The following SLC9B1 variants were observed in gnomAD, a reference collection of about 807,000 sequenced individuals.
SLC9B1 encodes the protein solute carrier family 9 member B1.
A neutral mutation model predicts 51.7 loss-of-function variants in SLC9B1; 32 were observed. The ratio of observed to expected loss-of-function variants is 0.62; its 90% CI spans 0.47 to 0.83. The LOEUF is 0.83. Ranked by LOEUF, SLC9B1 falls within the 40% of genes least tolerant of loss-of-function variation. The pLI, the probability that SLC9B1 is intolerant of heterozygous loss-of-function variation, is 0.00. For synonymous variants in SLC9B1, 145 were observed against 212.7 expected, an observed-to-expected ratio of 0.68 and a Z score of 2.77; for missense variants, 406 against 613.2, an observed-to-expected ratio of 0.66 and a Z score of 3.57.
At chr4:102,949,189 C>T (rs1737419341) in intron 4 of SLC9B1, 68 bp downstream of exon 4, 1 of 1,248,784 alleles carries the variant, frequency 8.0e-7, no homozygotes, top group African/African-American at 1.5e-5. Context: ...ATAACTAATT[C>T]AACAAGAAAA....
At chr4:102,967,385 G>A (rs531470326) in intron 3 of SLC9B1, among the ~76,000 whole-genome samples, 16 of 152,226 alleles carry the variant, frequency 1.1e-4, no homozygotes, top group Non-Finnish European at 1.5e-4. Flanking sequence ...GTCTTAGTCC[G>A]TTTTGTGTTG....
At chr4:102,964,635 G>A (rs928885284) in intron 3 of SLC9B1, among the ~76,000 whole-genome samples, 4 of 152,168 alleles carry the variant, frequency 2.6e-5, no homozygotes, top group African/African-American at 7.2e-5. Context: ...ATGTGAGGTG[G>A]TTGACTTAAC....
intron 3 of SLC9B1, among the ~76,000 whole-genome samples, chr4:102,972,327 TG>T (rs1403400366): frequency 6.6e-6 from 1 of 152,224 alleles, no homozygotes; most frequent in African/African-American, 2.4e-5. Flanking sequence ...GATGCAAGCC[TG>T]GGTCAATATA....
Position 102,932,073 on chromosome 4 carries a change from T to C in SLC9B1, c.829+51A>G, listed in dbSNP as rs368379282. 3.0e-4 allele frequency: 477 copies of C among 1,567,260 alleles called. 1 individual carries two copies. In the African/African-American group the frequency reaches 5.6e-3, roughly 18 times the overall value. Reference sequence around the variant, plus strand: ...AAGCCAGAAACCCTGTTTAAAGAAGTAACAAAAAAGGTCATGAATGATCTA... The same window carrying C: ...AAGCCAGAAACCCTGTTTAAAGAAGCAACAAAAAAGGTCATGAATGATCTA... On this transcript the variant is annotated intron_variant, in intron 7 of 11. Transcript: ENST00000296422.
At chr4:102,932,638 C>A (rs940293173) in intron 6 of SLC9B1, among the ~76,000 whole-genome samples, 5 of 151,956 alleles carry the variant, frequency 3.3e-5, no homozygotes, top group Admixed American at 2.0e-4. Flanking sequence ...TAAGTATATC[C>A]CAGTAAGATA....
chr4:102,959,332 G>A (rs527437251), intron 3 of SLC9B1, among the ~76,000 whole-genome samples: 1 of 152,126 alleles, frequency 6.6e-6, no homozygotes, highest in African/African-American at 2.4e-5. Context: ...TTTTTAACCT[G>A]TAAGTCAGTT....
At chr4:102,974,240 TTG>T (rs374057840) in intron 3 of SLC9B1, among the ~76,000 whole-genome samples, 41,464 of 74,124 alleles carry the variant, frequency 0.56, 11,619 homozygotes, top group African/African-American at 0.7. Context: ...CTGTCTAAAA[TTG>T]AAAAAAAAAA....
intron 3 of SLC9B1, among the ~76,000 whole-genome samples, chr4:102,969,409 T>C (rs1738623258): frequency 2.0e-5 from 3 of 152,092 alleles, no homozygotes; most frequent in African/African-American, 7.2e-5. Context: ...TACTGATTGT[T>C]AGAAGGAAAA....
intron 3 of SLC9B1, among the ~76,000 whole-genome samples, chr4:102,973,077 G>A (rs1342171815): frequency 9.2e-5 from 14 of 151,970 alleles, no homozygotes; most frequent in Admixed American, 9.2e-4. Flanking sequence ...TTAACAGAAA[G>A]CACAAAACAT....
chr4:103,008,137 C>T (rs1740886820), intron 1 of SLC9B1, among the ~76,000 whole-genome samples: 1 of 152,156 alleles, frequency 6.6e-6, no homozygotes, highest in African/African-American at 2.4e-5. Context: ...GATATAAGTA[C>T]ATACATAAAC....
chr4:102,911,285 T>C (rs900564369), intron 8 of SLC9B1, 146 bp downstream of exon 8: 4 of 593,570 alleles, frequency 6.7e-6, no homozygotes, highest in Non-Finnish European at 1.2e-5. Flanking sequence ...ATCACTGCTG[T>C]GCTCAGTTTT....
chr4:103,002,335 T>C (rs1257151491), intron 1 of SLC9B1, among the ~76,000 whole-genome samples: 1 of 152,248 alleles, frequency 6.6e-6, no homozygotes, highest in Non-Finnish European at 1.5e-5. Context: ...TCAGGCAGTC[T>C]GACTCCAGAG....
At chr4:102,988,802 C>T (rs560143100) in intron 3 of SLC9B1, among the ~76,000 whole-genome samples, 1 of 152,178 alleles carries the variant, frequency 6.6e-6, no homozygotes, top group Admixed American at 6.5e-5. Flanking sequence ...TATATCTAAA[C>T]CTGCAGTTTT....
intron 3 of SLC9B1, among the ~76,000 whole-genome samples, chr4:102,964,256 GA>G (rs879259252): frequency 0.026 from 3,784 of 143,476 alleles, 67 homozygotes; most frequent in Non-Finnish European, 0.036. Flanking sequence ...AAGGAAAAAG[GA>G]AAAAAAAAAC....
At chr4:102,993,818 C>T (rs138453651) in intron 1 of SLC9B1, among the ~76,000 whole-genome samples, 2 of 152,222 alleles carry the variant, frequency 1.3e-5, no homozygotes, top group Admixed American at 6.5e-5. Context: ...CGGCCTAACA[C>T]CACGTGTAAG....
chr4:102,912,500 C>A (rs1415321412), intron 7 of SLC9B1, among the ~76,000 whole-genome samples: 2 of 151,922 alleles, frequency 1.3e-5, no homozygotes, highest in African/African-American at 2.4e-5. Flanking sequence ...AATAAAAAAA[C>A]AAAATGAGTC....
intron 9 of SLC9B1, 22 bp downstream of exon 9, chr4:102,910,417 A>G (rs2110432180): frequency 6.5e-7 from 1 of 1,527,400 alleles, no homozygotes; most frequent in South Asian, 1.3e-5. Flanking sequence ...CTTTTAAAAT[A>G]TAGCATATTA....
intron 1 of SLC9B1, among the ~76,000 whole-genome samples, chr4:103,018,082 C>T (rs765865893): frequency 3.3e-5 from 5 of 152,154 alleles, no homozygotes; most frequent in African/African-American, 4.8e-5. Context: ...GTTCCAGGTA[C>T]TATTCAATCT....
chr4:103,002,283 T>C (rs556860027), intron 1 of SLC9B1, among the ~76,000 whole-genome samples: 2 of 152,340 alleles, frequency 1.3e-5, no homozygotes, highest in Admixed American at 6.5e-5. Flanking sequence ...TGAATTAACA[T>C]CTTCAATGTT....
Sources: allele counts gnomAD v4.1 joint callset (sites outside exome capture counted in the v4.1 genomes callset), GRCh38; gene constraint gnomAD v4.1.1; transcripts MANE v1.5; gene names NCBI Gene and HGNC (gene_info 2026-07-23, HGNC 2026-07-21).